PTPRD: variants seen among roughly 807,000 people sequenced by gnomAD.
The protein encoded by PTPRD is protein tyrosine phosphatase receptor type D, also known as receptor-type tyrosine-protein phosphatase delta.
PTPRD carries 34 observed loss-of-function variants against 214.5 expected under a neutral mutation model. The ratio of observed to expected loss-of-function variants is 0.16; its 90% confidence interval spans 0.12 to 0.21. The LOEUF is 0.21. PTPRD is among the 10% of genes least tolerant of loss of function. PTPRD has a pLI of 1.00. For missense variants in PTPRD, 2,545 were observed against 2,398.7 expected, an observed-to-expected ratio of 1.06 and a Z score of -1.27; for synonymous variants, 1,128 against 845.7, an observed-to-expected ratio of 1.33 and a Z score of -5.79.
chr9:9,177,467 A>G (rs1289519911), intron 10 of PTPRD, among the ~76,000 whole-genome samples: 2 of 152,148 alleles, frequency 1.3e-5, no homozygotes, highest in Admixed American at 6.6e-5. Context: ...CTAGTGTGAA[A>G]AATTTATACT....
chr9:8,485,526 T>C (rs1486046780), intron 28 of PTPRD: 1 of 621,374 alleles, frequency 1.6e-6, no homozygotes, highest in East Asian at 2.8e-5. Context: ...TTCAGCCAAC[T>C]CTATTGTGTT....
chr9:9,625,211 G>C (rs10977884), intron 7 of PTPRD, among the ~76,000 whole-genome samples: 13 of 152,118 alleles, frequency 8.5e-5, no homozygotes, highest in Admixed American at 6.6e-4. Flanking sequence ...GTATGTCACA[G>C]TGGGGATATG....
chr9:9,601,360 A>G (rs1034496834), intron 7 of PTPRD, among the ~76,000 whole-genome samples: 1 of 152,098 alleles, frequency 6.6e-6, no homozygotes, highest in African/African-American at 2.4e-5. Flanking sequence ...TGACCTTCAC[A>G]TCTGTACTCT....
At chr9:9,726,348 A>C (rs559763296) in intron 7 of PTPRD, among the ~76,000 whole-genome samples, 1 of 152,268 alleles carries the variant, frequency 6.6e-6, no homozygotes, top group African/African-American at 2.4e-5. Flanking sequence ...CTCAGAAGTA[A>C]GAAATGAAGA....
intron 14 of PTPRD, among the ~76,000 whole-genome samples, chr9:8,550,535 T>C (rs2081725759): frequency 6.6e-6 from 1 of 152,196 alleles, no homozygotes; most frequent in South Asian, 2.1e-4. Flanking sequence ...GGATAATGTA[T>C]CTACCATACA....
intron 4 of PTPRD, among the ~76,000 whole-genome samples, chr9:9,995,995 C>T (rs543334468): frequency 3.7e-4 from 56 of 152,210 alleles, no homozygotes; most frequent in Admixed American, 3.6e-3. Context: ...TTTTATTCTA[C>T]TGTACCATAA....
At chr9:8,627,607 A>G (rs1343636205) in intron 14 of PTPRD, among the ~76,000 whole-genome samples, 2 of 151,912 alleles carry the variant, frequency 1.3e-5, no homozygotes, top group African/African-American at 2.4e-5. Context: ...CCCTTTTTAG[A>G]CATGATCTCA....
At chr9:8,649,436 C>A (rs933545854) in intron 12 of PTPRD, among the ~76,000 whole-genome samples, 1 of 152,196 alleles carries the variant, frequency 6.6e-6, no homozygotes, top group African/African-American at 2.4e-5. Context: ...CAACTGCACA[C>A]TGGTTAAGTT....
chr9:10,322,851 G>C (rs1454690606), intron 3 of PTPRD, among the ~76,000 whole-genome samples: 1 of 151,966 alleles, frequency 6.6e-6, no homozygotes, highest in Admixed American at 6.5e-5. Flanking sequence ...ATCAGGGAGG[G>C]ACTCCTCATC....
chr9:8,973,122 G>A lies in PTPRD; in HGVS notation c.-104+45575C>T, dbSNP rs557589858. Among the ~76,000 whole-genome samples, 4 of 151,978 alleles carry A rather than the reference G, an allele frequency of 2.6e-5. No homozygotes were observed. In the South Asian group the frequency reaches 8.3e-4, roughly 32 times the overall value. On this transcript the variant is annotated intron_variant, in intron 11 of 45. Coordinates refer to ENST00000381196, the MANE Select transcript of PTPRD (RefSeq NM_002839.4). ...ATATTCAGCTTTGATTTTAGACACAGGTGTCAAATGTATAGATTTGTTAGA... is the reference window on the plus strand; with the variant it reads ...ATATTCAGCTTTGATTTTAGACACAAGTGTCAAATGTATAGATTTGTTAGA...
chr9:8,496,364 G>A (rs538604641), intron 26 of PTPRD, among the ~76,000 whole-genome samples: 2 of 152,124 alleles, frequency 1.3e-5, no homozygotes, highest in African/African-American at 2.4e-5. Flanking sequence ...CTAATGCATG[G>A]TCCACTGCTG....
chr9:9,377,409 G>T (rs1283713102), intron 9 of PTPRD, among the ~76,000 whole-genome samples: 3 of 152,020 alleles, frequency 2.0e-5, no homozygotes, highest in Admixed American at 6.6e-5. Flanking sequence ...ATTAATATTT[G>T]TCAGCAAGTG....
chr9:9,128,181 T>C (rs2099837016), intron 10 of PTPRD, among the ~76,000 whole-genome samples: 1 of 152,208 alleles, frequency 6.6e-6, no homozygotes, highest in African/African-American at 2.4e-5. Context: ...CCATGATGCT[T>C]TGGCTATTTA....
At chr9:9,250,793 A>T (rs1161158311) in intron 9 of PTPRD, among the ~76,000 whole-genome samples, 1 of 152,086 alleles carries the variant, frequency 6.6e-6, no homozygotes, top group African/African-American at 2.4e-5. Context: ...CAAATATATT[A>T]TTGGTGAAAA....
At chr9:9,437,610 G>A (rs2085844538) in intron 8 of PTPRD, among the ~76,000 whole-genome samples, 1 of 152,096 alleles carries the variant, frequency 6.6e-6, no homozygotes, top group African/African-American at 2.4e-5. Context: ...CACTTCTTGG[G>A]ATCAGCTGAA....
At chr9:9,181,158 G>A (rs2099927981) in intron 10 of PTPRD, among the ~76,000 whole-genome samples, 1 of 151,866 alleles carries the variant, frequency 6.6e-6, no homozygotes, top group Non-Finnish European at 1.5e-5. Flanking sequence ...AACATAGAAA[G>A]CCATTCCTTT....
intron 2 of PTPRD, among the ~76,000 whole-genome samples, chr9:10,554,294 C>G (rs1483921787): frequency 2.6e-5 from 4 of 152,260 alleles, no homozygotes; most frequent in East Asian, 3.9e-4. Flanking sequence ...ATTCAATAAT[C>G]TCATGGACCT....
At chr9:10,169,250 G>A (rs1375045507) in intron 3 of PTPRD, among the ~76,000 whole-genome samples, 1 of 151,790 alleles carries the variant, frequency 6.6e-6, no homozygotes, top group African/African-American at 2.4e-5. Flanking sequence ...CGAGGCAGGC[G>A]GATCACGAGG....
At chr9:9,595,881 A>G (rs532798165) in intron 7 of PTPRD, among the ~76,000 whole-genome samples, 1 of 151,956 alleles carries the variant, frequency 6.6e-6, no homozygotes, top group African/African-American at 2.4e-5. Flanking sequence ...AAATTTCACA[A>G]ATCAACTGCT....
Sources: gnomAD v4.1 joint callset for allele counts (sites outside exome capture counted in the v4.1 genomes callset) on GRCh38, gnomAD v4.1.1 for gene constraint, MANE v1.5 for transcripts, NCBI Gene and HGNC (gene_info 2026-07-23, HGNC 2026-07-21) for gene names.